The following XKR6 variants were observed in gnomAD, a reference collection of about 807,000 sequenced individuals.
XKR6 encodes XK-related protein 6.
In XKR6, 22 loss-of-function variants were observed where a neutral mutation model predicts 56.7. That is an observed-to-expected ratio of 0.39 (90% CI 0.28 to 0.55). The LOEUF (loss-of-function observed/expected upper bound fraction) is 0.55. Among genes scored for constraint, XKR6 ranks in the 20% least tolerant of loss-of-function variants. XKR6 has a pLI of 0.66. For missense variants in XKR6, 852 were observed against 889.0 expected, an observed-to-expected ratio of 0.96 and a Z score of 0.53; for synonymous variants, 524 against 387.8, an observed-to-expected ratio of 1.35 and a Z score of -4.13.
At chr8:11,147,654 C>CAA (rs35057185) in intron 1 of XKR6, among the ~76,000 whole-genome samples, 2,675 of 100,522 alleles carry the variant, frequency 0.027, 140 homozygotes, top group African/African-American at 0.096. Context: ...GACTCTGTCT[C>CAA]AAAAAAAAAA....
intron 1 of XKR6, among the ~76,000 whole-genome samples, chr8:11,138,943 C>A (rs1212953520): frequency 6.6e-6 from 1 of 151,496 alleles, no homozygotes; most frequent in South Asian, 2.1e-4. Context: ...AAAACCTGAC[C>A]TCAAGATGAA....
intron 1 of XKR6, among the ~76,000 whole-genome samples, chr8:11,091,527 G>A (rs1199642019): frequency 6.6e-6 from 1 of 152,130 alleles, no homozygotes; most frequent in African/African-American, 2.4e-5. Flanking sequence ...ACTGATGACT[G>A]GATGCCAGTA....
intron 1 of XKR6, among the ~76,000 whole-genome samples, chr8:11,070,500 C>A (rs556087140): frequency 1.3e-5 from 2 of 152,024 alleles, no homozygotes; most frequent in Non-Finnish European, 2.9e-5. Flanking sequence ...AAAAGCAAAG[C>A]AAAATAAAGA....
At chr8:10,984,716 C>CTATATATATG (rs1474560046) in intron 1 of XKR6, among the ~76,000 whole-genome samples, 1 of 86,652 alleles carries the variant, frequency 1.2e-5, no homozygotes, top group African/African-American at 5.0e-5. Flanking sequence ...CTCTCTCTCT[C>CTATATATATG]TCTCTCTCTC....
At chr8:11,067,231 A>C (rs921930462) in intron 1 of XKR6, 1 of 152,332 alleles carries the variant, frequency 6.6e-6, no homozygotes, top group Non-Finnish European at 1.5e-5. Context: ...AGCAGGGGCA[A>C]GGGCAAGAGC....
chr8:11,128,047 T>C (rs1799917137), intron 1 of XKR6, among the ~76,000 whole-genome samples: 1 of 152,158 alleles, frequency 6.6e-6, no homozygotes, highest in Non-Finnish European at 1.5e-5. Context: ...GGGTAAAAAA[T>C]AGAAGAGTTA....
In XKR6 at chr8:11,143,993, T is replaced by G. The variant is rs541038902; in HGVS notation, c.764+56583A>C. Among the ~76,000 whole-genome samples the G allele has an allele frequency of 4.1e-3, 619 of 152,246 alleles. 5 individuals carry two copies. The highest frequency in any genetic ancestry group is 6.8e-3 in the Non-Finnish European group (460 of 68,012). On this transcript the variant is annotated intron_variant, in intron 1 of 2. Coordinates refer to ENST00000416569, the MANE Select transcript of XKR6 (RefSeq NM_173683.4). ...TCACAGGGCCTTTCCTCTGTGCATG[T>G]GTGTCCCTGGGGTCTCTCCCTCTTC...
At chr8:11,018,121 G>C (rs868811460) in intron 1 of XKR6, among the ~76,000 whole-genome samples, 2 of 152,226 alleles carry the variant, frequency 1.3e-5, no homozygotes, top group South Asian at 2.1e-4. Flanking sequence ...AAAGGGTTAC[G>C]CTGCTGTCAG....
At chr8:11,146,536 G>T (rs867810887) in intron 1 of XKR6, among the ~76,000 whole-genome samples, 28 of 151,940 alleles carry the variant, frequency 1.8e-4, no homozygotes, top group Admixed American at 5.9e-4. Context: ...AGCTGAGTTG[G>T]GGGGATCACC....
At chr8:11,041,054 C>T (rs1174901105) in intron 1 of XKR6, among the ~76,000 whole-genome samples, 1 of 152,044 alleles carries the variant, frequency 6.6e-6, no homozygotes, top group Non-Finnish European at 1.5e-5. Context: ...ATGGCCCATT[C>T]CAGCCTCTCA....
intron 1 of XKR6, among the ~76,000 whole-genome samples, chr8:10,966,405 C>T (rs191393170): frequency 1.2e-4 from 18 of 152,148 alleles, no homozygotes; most frequent in African/African-American, 4.1e-4. Context: ...CATGGTGGCT[C>T]ACGCCTGTAA....
chr8:11,030,600 T>C (rs1033800587), intron 1 of XKR6, among the ~76,000 whole-genome samples: 1 of 152,172 alleles, frequency 6.6e-6, no homozygotes, highest in African/African-American at 2.4e-5. Context: ...CAAGGGTCCC[T>C]TACAACCTCA....
At chr8:11,156,408 C>G (rs1287607736) in intron 1 of XKR6, among the ~76,000 whole-genome samples, 2 of 152,248 alleles carry the variant, frequency 1.3e-5, no homozygotes. Flanking sequence ...TATCTCCCCA[C>G]CTGCCTGCCT....
chr8:11,199,887 G>C (rs1804106266), intron 1 of XKR6, among the ~76,000 whole-genome samples: 1 of 151,976 alleles, frequency 6.6e-6, no homozygotes, highest in South Asian at 2.1e-4. Flanking sequence ...CTGGAGGTGA[G>C]AGTTAACACC....
At chr8:11,062,473 C>T (rs536021552) in intron 1 of XKR6, among the ~76,000 whole-genome samples, 10 of 152,342 alleles carry the variant, frequency 6.6e-5, no homozygotes, top group Admixed American at 5.9e-4. Context: ...CACACCAATA[C>T]ATCCAGCTCC....
chr8:10,908,290 C>T lies in XKR6; in HGVS notation c.962-9374G>A, dbSNP rs150759892. On this transcript the variant is annotated intron_variant, in intron 2 of 2. Coordinates refer to ENST00000416569, the MANE Select transcript of XKR6 (RefSeq NM_173683.4). ...TGTGTAGGTATTGTAAACTGCAGCA[C>T]GGCCAGCCTGTCCTCACTGATGTGC... Among the ~76,000 whole-genome samples, 44 of 152,218 alleles carry T rather than the reference C, an allele frequency of 2.9e-4. No homozygotes were observed. The East Asian group carries it at 5.6e-3, about 19-fold the overall frequency.
intron 1 of XKR6, among the ~76,000 whole-genome samples, chr8:11,151,381 A>C (rs906479995): frequency 2.0e-5 from 3 of 152,206 alleles, no homozygotes; most frequent in African/African-American, 4.8e-5. Flanking sequence ...TTACTTTGGA[A>C]AAGTTTTGTA....
At chr8:10,899,651 G>A (rs79557036) in intron 2 of XKR6, among the ~76,000 whole-genome samples, 31 of 152,258 alleles carry the variant, frequency 2.0e-4, no homozygotes, top group Non-Finnish European at 3.8e-4. Flanking sequence ...GACTTTTGAA[G>A]CTCTGTCCTT....
At chr8:10,976,044 C>G (rs1044257122) in intron 1 of XKR6, among the ~76,000 whole-genome samples, 1 of 151,988 alleles carries the variant, frequency 6.6e-6, no homozygotes, top group African/African-American at 2.4e-5. Flanking sequence ...GGCGCAATGG[C>G]GGGCGCCTGT....
Sources: gnomAD v4.1 joint callset for allele counts (sites outside exome capture counted in the v4.1 genomes callset) on GRCh38, gnomAD v4.1.1 for gene constraint, MANE v1.5 for transcripts, NCBI Gene and HGNC (gene_info 2026-07-23, HGNC 2026-07-21) for gene names.